The following STAB2 variants were observed in gnomAD, a reference collection of about 807,000 sequenced individuals.
STAB2 encodes the protein stabilin-2.
Under a neutral mutation model 338.1 loss-of-function variants are expected in STAB2, and 288 were observed. The observed-to-expected ratio is 0.85, with a 90% CI of 0.77 to 0.94. STAB2 has a LOEUF of 0.94. Among genes scored for constraint, STAB2 ranks in the 40% least tolerant of loss-of-function variants. The pLI is 0.00. For synonymous variants in STAB2, 1,202 were observed against 1,193.3 expected, an observed-to-expected ratio of 1.01 and a Z score of -0.15; for missense variants, 3,141 against 3,210.1, an observed-to-expected ratio of 0.98 and a Z score of 0.52.
chr12:103,643,130 G>C (rs1471374117), intron 9 of STAB2, among the ~76,000 whole-genome samples: 1 of 152,122 alleles, frequency 6.6e-6, no homozygotes. Context: ...ACTTCTTACT[G>C]TGTCCTCCCA....
At position 103,659,817 on chromosome 12, in the gene STAB2, C is replaced by T. The variant is rs368596173; in HGVS notation, c.1735-514C>T. Among the ~76,000 whole-genome samples the T allele has an allele frequency of 2.6e-4, 39 of 152,300 alleles. No individual in the cohort carries two copies. The East Asian group carries it at 5.2e-3, about 20-fold the overall frequency. On this transcript the variant is annotated intron_variant, in intron 15 of 68. Transcript: ENST00000388887. ...ACTTCTCATGGAAGGAAGAGGTGAT[C>T]GCTATCCCTATGACTCTATAATCCT... is the stretch of plus-strand genomic sequence containing the variant.
intron 22 of STAB2, among the ~76,000 whole-genome samples, chr12:103,671,603 G>T (rs1323386438): frequency 2.0e-5 from 3 of 152,130 alleles, no homozygotes. Context: ...AATAGCAAGT[G>T]TCTTTTAAAG....
chr12:103,611,787 G>T (rs1957127301), intron 3 of STAB2, among the ~76,000 whole-genome samples: 2 of 152,122 alleles, frequency 1.3e-5, no homozygotes, highest in Admixed American at 6.5e-5. Context: ...AGCCTCGATG[G>T]TCTTTACGAT....
chr12:103,733,695 T>C (rs1473250914), intron 51 of STAB2, among the ~76,000 whole-genome samples: 1 of 151,932 alleles, frequency 6.6e-6, no homozygotes, highest in Non-Finnish European at 1.5e-5. Context: ...ATATGTGATA[T>C]AGGAATAAGC....
intron 3 of STAB2, among the ~76,000 whole-genome samples, chr12:103,595,389 A>G (rs1031664518): frequency 6.6e-6 from 1 of 152,114 alleles, no homozygotes; most frequent in African/African-American, 2.4e-5. Context: ...AATTATATAC[A>G]CTTGTAAAGT....
intron 63 of STAB2, among the ~76,000 whole-genome samples, chr12:103,756,833 A>G (rs2139217591): frequency 6.6e-6 from 1 of 152,100 alleles, no homozygotes; most frequent in East Asian, 1.9e-4. Context: ...TGTAAAAATC[A>G]GGACCACCAT....
rs754527791 is a variant in STAB2, at chr12:103,676,155, G to A, written c.2646+134G>A. On this transcript the variant is annotated intron_variant, in intron 24 of 68. Coordinates refer to ENST00000388887, the MANE Select transcript of STAB2 (RefSeq NM_017564.10). ...TGGCTCACTGCAACATCCGCCTCCC[G>A]GATTCAAGCGATTCTCCTGCCTCAG... 10 of 529,016 alleles carry A rather than the reference G, an allele frequency of 1.9e-5. No individual in the cohort carries two copies. The Middle Eastern group carries it at 1.7e-3, about 88-fold the overall frequency. 32.8% of individuals were successfully genotyped at this position (529,016 alleles called of 1,614,324 possible). A position where few individuals can be genotyped will look rare whatever the true frequency, so the allele number is the denominator to read the frequency against.
Position 103,654,596 on chromosome 12 carries a change from G to A in STAB2, c.1449G>A (p.Lys483=). 1.2e-6 allele frequency: 2 copies of A among 1,614,086 alleles called. No individual in the cohort carries two copies. Among genetic ancestry groups the A allele is most frequent in the Non-Finnish European group, 8.5e-7 (1 of 1,179,982 alleles). Residue 483 remains lysine (K), a synonymous_variant, in exon 13 of 69, where the codon AAG becomes AAA. Coordinates refer to ENST00000388887, the MANE Select transcript of STAB2 (RefSeq NM_017564.10). ...TTAAACTCCATGGAGGCAAAAAGAA[G>A]GTAAAAATTATACAAGGGGACATCA... The part of the protein sequence containing the change: ...IKLKLHGGKK[K]VKIIQGDIIA...
chr12:103,701,780 A>T (rs984447562), intron 34 of STAB2, among the ~76,000 whole-genome samples: 1 of 152,048 alleles, frequency 6.6e-6, no homozygotes, highest in African/African-American at 2.4e-5. Context: ...TTATCCCAAC[A>T]TCCAAATGGA....
At chr12:103,651,902 G>C (rs967102236) in intron 11 of STAB2, among the ~76,000 whole-genome samples, 2 of 152,186 alleles carry the variant, frequency 1.3e-5, no homozygotes, top group African/African-American at 4.8e-5. Flanking sequence ...TAACCTGTCT[G>C]ATATTCATCT....
intron 22 of STAB2, among the ~76,000 whole-genome samples, chr12:103,671,792 TG>T (rs2138819969): frequency 6.6e-6 from 1 of 152,328 alleles, no homozygotes; most frequent in African/African-American, 2.4e-5. Context: ...CAATAGGCAT[TG>T]AAAAAAATAA....
chr12:103,728,881 C>T lies in STAB2; in HGVS notation c.4968C>T (p.Pro1656=). The part of the protein sequence containing the change: ...VKDWDKYGLM[P]QVLRYHVVAC... ...ACTGGGACAAATACGGTTTAATGCC[C>T]CAGGTTCTTCGGTACCATGTGGTCG... The change falls in exon 48 of 69, where the codon CCC becomes CCT. Residue 1656 remains proline, a synonymous_variant. Transcript: ENST00000388887. The T allele has an allele frequency of 6.2e-7, 1 of 1,613,962 alleles. No homozygotes were observed. The highest frequency in any genetic ancestry group is 2.2e-5 in the East Asian group (1 of 44,884).
intron 9 of STAB2, among the ~76,000 whole-genome samples, chr12:103,641,623 C>A (rs1329247251): frequency 1.3e-5 from 2 of 152,154 alleles, no homozygotes; most frequent in African/African-American, 2.4e-5. Context: ...CTGGTGTATG[C>A]ATGTTTTACC....
chr12:103,751,777 G>A (rs1407817655), intron 60 of STAB2, among the ~76,000 whole-genome samples: 1 of 152,188 alleles, frequency 6.6e-6, no homozygotes, highest in African/African-American at 2.4e-5. Flanking sequence ...ACCATAGAGT[G>A]TGGTCCAGCT....
At chr12:103,625,417 A>C (rs1957366038) in intron 5 of STAB2, among the ~76,000 whole-genome samples, 1 of 152,190 alleles carries the variant, frequency 6.6e-6, no homozygotes, top group South Asian at 2.1e-4. Flanking sequence ...CGTGCAGCTT[A>C]GTTACATATG....
At chr12:103,698,622 C>T (rs1878601396) in intron 33 of STAB2, among the ~76,000 whole-genome samples, 1 of 152,144 alleles carries the variant, frequency 6.6e-6, no homozygotes, top group African/African-American at 2.4e-5. Flanking sequence ...ACCCTCCTCA[C>T]TTCACCAAGA....
At chr12:103,672,070 G>A (rs1479761474) in intron 22 of STAB2, among the ~76,000 whole-genome samples, 1 of 152,114 alleles carries the variant, frequency 6.6e-6, no homozygotes, top group African/African-American at 2.4e-5. Flanking sequence ...ATAATTTCGG[G>A]CTTTTGGCAC....
At chr12:103,618,892 A>G (rs1051373898) in intron 3 of STAB2, among the ~76,000 whole-genome samples, 2 of 152,092 alleles carry the variant, frequency 1.3e-5, no homozygotes, top group African/African-American at 2.4e-5. Flanking sequence ...GGGGGAGGTA[A>G]TTGAATCATG....
intron 50 of STAB2, 96 bp from the exon 51 acceptor site, chr12:103,732,910 G>A (rs1310050822): frequency 1.4e-6 from 2 of 1,467,866 alleles, no homozygotes; most frequent in Non-Finnish European, 1.8e-6. Context: ...GTAAGCCACG[G>A]GCTTGAGCAT....
Sources: gnomAD v4.1 joint callset for allele counts (sites outside exome capture counted in the v4.1 genomes callset) on GRCh38, gnomAD v4.1.1 for gene constraint, MANE v1.5 for transcripts, NCBI Gene and HGNC (gene_info 2026-07-23, HGNC 2026-07-21) for gene names.